Variants in NFKBID observed in about 807,000 individuals in gnomAD.
NFKBID encodes the protein NF-kappa-B inhibitor delta.
A neutral mutation model predicts 53.4 loss-of-function variants in NFKBID; 26 were observed. That is an observed-to-expected ratio of 0.49 (90% CI 0.36 to 0.68). The LOEUF (loss-of-function observed/expected upper bound fraction) is 0.68. Ranked by LOEUF, NFKBID falls within the 30% of genes least tolerant of loss-of-function variation. NFKBID has a pLI of 0.00. For missense variants in NFKBID, 493 were observed against 614.1 expected (o/e 0.80, Z 2.08); for synonymous variants, 262 against 259.8 (o/e 1.01, Z -0.08).
chr19:35,897,906 ACG>A, intron 3 of NFKBID, 50 bp from the exon 4 acceptor site: 1 of 1,318,188 alleles, frequency 7.6e-7, no homozygotes, highest in Admixed American at 2.0e-5. Flanking sequence ...AGAGTTGGGG[ACG>A]TCACATCCAG....
At chr19:35,889,426 A>G (rs1974598881) in intron 11 of NFKBID, among the ~76,000 whole-genome samples, 1 of 152,204 alleles carries the variant, frequency 6.6e-6, no homozygotes, top group African/African-American at 2.4e-5. Flanking sequence ...CTGGGTTCGT[A>G]CACTGAGAAA....
chr19:35,888,744 C>G, intron 11 of NFKBID, 132 bp from the exon 12 acceptor site: 1 of 694,748 alleles, frequency 1.4e-6, no homozygotes, highest in Non-Finnish European at 2.5e-6. Flanking sequence ...ATCAGAGGTC[C>G]AGAGTCAAGA....
chr19:35,897,711 A>C (rs532381840), exon 4 of NFKBID: 2 of 1,612,542 alleles, frequency 1.2e-6, no homozygotes, highest in South Asian at 2.2e-5. Flanking sequence ...AGAAGTCAGG[A>C]GGCAGGAAAT....
intron 4 of NFKBID, 84 bp from the exon 5 acceptor site, chr19:35,897,142 G>T: frequency 1.4e-6 from 2 of 1,427,866 alleles, no homozygotes; most frequent in Non-Finnish European, 9.5e-7. Flanking sequence ...AGTCAGCTGA[G>T]AATTCCTCCA....
chr19:35,889,833 C>T (rs1193579454), intron 11 of NFKBID, 57 bp downstream of exon 11: 3 of 1,511,230 alleles, frequency 2.0e-6, no homozygotes, highest in East Asian at 4.6e-5. Context: ...GCAGGGAGGT[C>T]ATCCCGCGCC....
At chr19:35,889,196 A>AG (rs998339202) in intron 11 of NFKBID, among the ~76,000 whole-genome samples, 2 of 151,022 alleles carry the variant, frequency 1.3e-5, no homozygotes, top group Non-Finnish European at 2.9e-5. Flanking sequence ...TAAAAAAAAA[A>AG]AAAAACAAAA....
At chr19:35,890,325 C>A in intron 10 of NFKBID, 49 bp downstream of exon 10, 2 of 1,306,768 alleles carry the variant, frequency 1.5e-6, no homozygotes, top group Non-Finnish European at 2.2e-6. Context: ...TCCCACTGCC[C>A]CCCCTACCGT....
At chr19:35,888,329 G>C (rs1044239131) in exon 12 of NFKBID, 2 of 542,304 alleles carry the variant, frequency 3.7e-6, no homozygotes, top group Non-Finnish European at 6.6e-6. Context: ...AAGGGGCCTC[G>C]ATTTCACAGA....
At chr19:35,888,512 C>A (rs2146927028) in exon 12 of NFKBID, 1 of 1,396,038 alleles carries the variant, frequency 7.2e-7, no homozygotes, top group African/African-American at 1.4e-5. Context: ...GGCTGTCCCG[C>A]AGGACGGTGG....
At chr19:35,898,438 G>A (rs774738225) in intron 3 of NFKBID, 34 bp downstream of exon 3, 1 of 1,418,168 alleles carries the variant, frequency 7.1e-7, no homozygotes, top group East Asian at 2.5e-5. Context: ...CTTAGGGAAG[G>A]GGGATGGGGA....
chr19:35,896,786 A>G lies in NFKBID; in HGVS notation c.624T>C (p.Tyr208=), dbSNP rs1599619891. Residue 208 remains tyrosine, a synonymous_variant, in exon 6 of 12, where the codon TAT becomes TAC. Transcript: ENST00000641389. This position sits in a 1 kb window ranked among gnomAD's most constrained non-coding sequence, Gnocchi z 5.7. ...ACACCTGGAGCACCTCAGCCGCAGC[A>G]TATGCCGCCCAGCGCAGCCCCCGAG... 6.2e-7 allele frequency: 1 copy of G among 1,613,992 alleles called. No individual in the cohort carries two copies. Among genetic ancestry groups the G allele is most frequent in the Non-Finnish European group, 8.5e-7 (1 of 1,179,890 alleles).
chr19:35,889,831 G>T, intron 11 of NFKBID, 59 bp downstream of exon 11: 1 of 1,502,912 alleles, frequency 6.7e-7, no homozygotes, highest in Non-Finnish European at 9.0e-7. Flanking sequence ...GGGCAGGGAG[G>T]TCATCCCGCG....
At chr19:35,898,874 A>G in intron 1 of NFKBID, 52 bp from the exon 2 acceptor site, 1 of 1,411,604 alleles carries the variant, frequency 7.1e-7, no homozygotes, top group Non-Finnish European at 9.6e-7. Flanking sequence ...AGTCACCTAA[A>G]TGCCGCGGGG....
exon 4 of NFKBID, chr19:35,897,719 A>G: frequency 6.2e-7 from 1 of 1,613,102 alleles, no homozygotes; most frequent in African/African-American, 1.3e-5. Flanking sequence ...GGAGGCAGGA[A>G]ATTTTCGGCA....
chr19:35,893,768 C>T (rs1016130515), intron 9 of NFKBID, among the ~76,000 whole-genome samples: 2 of 148,760 alleles, frequency 1.3e-5, no homozygotes, highest in Non-Finnish European at 3.0e-5. Context: ...TACAGTGAGC[C>T]GAGATCGCAC....
chr19:35,902,082 G>C (rs1054343604), upstream of NFKBID: 12 of 681,676 alleles, frequency 1.8e-5, no homozygotes, highest in Admixed American at 2.5e-4. Flanking sequence ...CTTATCCCCT[G>C]AACTCCTAAA....
intron 9 of NFKBID, among the ~76,000 whole-genome samples, chr19:35,893,027 G>A (rs182102126): frequency 2.2e-4 from 34 of 152,238 alleles, no homozygotes; most frequent in African/African-American, 7.5e-4. Context: ...CAATTAGCCG[G>A]GTGAGGTGGC....
At position 35,896,895 on chromosome 19, in the gene NFKBID, C is replaced by T. The variant is rs753791449; in HGVS notation, c.578+18G>A. On this transcript the variant is annotated intron_variant, in intron 5 of 11. Transcript: ENST00000641389. The surrounding 1 kb of genome is among the most constrained non-coding windows in gnomAD (Gnocchi z 5.7). ...ACCAAGCCAAGAGTCTGCAGACAACCCTATCCCTTATACTCACGTGTCCCC... is the reference window on the plus strand; with the variant it reads ...ACCAAGCCAAGAGTCTGCAGACAACTCTATCCCTTATACTCACGTGTCCCC... 2 of 1,613,280 alleles carry T rather than the reference C, an allele frequency of 1.2e-6. No individual in the cohort carries two copies. The highest frequency in any genetic ancestry group is 1.7e-6 in the Non-Finnish European group (2 of 1,179,400).
chr19:35,889,869 G>A, intron 11 of NFKBID, 21 bp downstream of exon 11: 1 of 1,590,848 alleles, frequency 6.3e-7, no homozygotes, highest in Non-Finnish European at 8.6e-7. Flanking sequence ...CACTCTACAG[G>A]CAGGCTCAGT....
Sources: gnomAD v4.1 joint callset for allele counts (sites outside exome capture counted in the v4.1 genomes callset) on GRCh38, gnomAD v4.1.1 for gene constraint, Gnocchi (gnomAD v3.1) non-coding constraint, MANE v1.5 for transcripts, NCBI Gene and HGNC (gene_info 2026-07-23, HGNC 2026-07-21) for gene names.